AP1B1: variants seen among roughly 807,000 people sequenced by gnomAD.
AP1B1 encodes adaptor related protein complex 1 subunit beta 1.
AP1B1 carries 36 observed loss-of-function variants against 104.3 expected under a neutral mutation model. The observed-to-expected ratio is 0.35, with a 90% CI of 0.26 to 0.46. AP1B1 has a LOEUF of 0.46. Among genes scored for constraint, AP1B1 ranks in the 20% least tolerant of loss-of-function variants. The pLI is 1.00. For missense variants in AP1B1, 901 were observed against 1,247.9 expected (o/e 0.72, Z 4.19); for synonymous variants, 504 against 517.5 (o/e 0.97, Z 0.35).
In AP1B1 at chr22:29,339,153, G is replaced by A; in HGVS notation, c.2020-20C>T. The A allele has an allele frequency of 6.2e-7, 1 of 1,613,958 alleles. No individual in the cohort carries two copies. Reference sequence around the variant, plus strand: ...CCCAATCTGGAAAGGGAGGGAAAGAGTCAGAGGTGGGCGTCAAGAGGCAAA... The same window carrying A: ...CCCAATCTGGAAAGGGAGGGAAAGAATCAGAGGTGGGCGTCAAGAGGCAAA... On this transcript the variant is annotated intron_variant, in intron 15 of 22. Transcript: ENST00000357586.
At position 29,330,419 on chromosome 22, in the gene AP1B1, G is replaced by C. The variant is rs762948224; in HGVS notation, c.2725C>G (p.Leu909Val). The change falls in exon 21 of 23, where the codon CTG (leucine) becomes GTG (valine). Residue 909 changes from leucine (L) to valine (V), a missense_variant. Leu to Val is a conservative substitution (Grantham distance 32, BLOSUM62 1). Around this residue, in one of 3 missense-constraint regions of AP1B1, gnomAD observed 424 missense variants for 494.0 expected, o/e 0.86. Coordinates refer to ENST00000357586, the MANE Select transcript of AP1B1 (RefSeq NM_001127.4). ...SLKLTNGIWV[L>V]AELRIQPGNP... ...CCCGGCTGGATCCGCAGCTCCGCCA[G>C]CACCCAGATGCCGTTGGTCAGCTTC... The C allele has an allele frequency of 5.0e-6, 8 of 1,613,712 alleles. No individual in the cohort carries two copies. In the African/African-American group the frequency reaches 1.1e-4, roughly 22 times the overall value.
rs755765882 is a variant in AP1B1, at chr22:29,330,366, C to T, written c.2766+12G>A. The T allele has an allele frequency of 8.7e-6, 14 of 1,612,578 alleles. No homozygotes were observed. The highest frequency in any genetic ancestry group is 8.3e-5 in the Admixed American group (5 of 59,974). On this transcript the variant is annotated intron_variant, in intron 21 of 22. Coordinates refer to ENST00000357586, the MANE Select transcript of AP1B1 (RefSeq NM_001127.4). Reference sequence around the variant, plus strand: ...GGCTCCAAGGCTGCAGGGCGGGTGCCGGGGCTCTCACCGTGCAGCTGGGGT... The same window carrying T: ...GGCTCCAAGGCTGCAGGGCGGGTGCTGGGGCTCTCACCGTGCAGCTGGGGT...
intron 21 of AP1B1, chr22:29,330,031 C>T (rs2061533293): frequency 2.1e-6 from 3 of 1,409,008 alleles, no homozygotes; most frequent in African/African-American, 1.4e-5. Flanking sequence ...AACCACTGTC[C>T]TCCCAGCTGG....
In AP1B1 at chr22:29,341,048, G is replaced by A. The variant is rs116811175; in HGVS notation, c.1797-191C>T. Among the ~76,000 whole-genome samples the A allele has an allele frequency of 4.6e-3, 695 of 152,326 alleles. 4 individuals are homozygous for A. Among genetic ancestry groups the A allele is most frequent in the African/African-American group, 0.016 (660 of 41,578 alleles). ...AGCAGGTCCATCTTTCAGGTCCTCCGTGAGGATGAGTGAAGGGAGAGGGCC... is the reference window on the plus strand; with the variant it reads ...AGCAGGTCCATCTTTCAGGTCCTCCATGAGGATGAGTGAAGGGAGAGGGCC... On this transcript the variant is annotated intron_variant, in intron 13 of 22. Coordinates refer to ENST00000357586, the MANE Select transcript of AP1B1 (RefSeq NM_001127.4).
chr22:29,366,681 C>T (rs1202075224), intron 2 of AP1B1, among the ~76,000 whole-genome samples: 1 of 152,002 alleles, frequency 6.6e-6, no homozygotes, highest in Non-Finnish European at 1.5e-5. Context: ...CGCATGTAAT[C>T]CCAGCAATTC....
rs768192630 is a variant in AP1B1 at position 29,330,539 on chromosome 22, G to A, written c.2612-7C>T. 6.2e-7 allele frequency: 1 copy of A among 1,610,206 alleles called. No homozygotes were observed. Among genetic ancestry groups the A allele is most frequent in the Non-Finnish European group, 8.5e-7 (1 of 1,176,846 alleles). On this transcript the variant is annotated splice_region_variant and splice_polypyrimidine_tract_variant and intron_variant, in intron 20 of 22. Coordinates refer to ENST00000357586, the MANE Select transcript of AP1B1 (RefSeq NM_001127.4). ...AGCTTGCTGCTCGCAGCCTCTGTGG[G>A]GTCACATGGCCGTGAGAGGCCCCAG... is the stretch of plus-strand genomic sequence containing the variant.
chr22:29,333,540 T>C, intron 17 of AP1B1, among the ~76,000 whole-genome samples: 1 of 152,050 alleles, frequency 6.6e-6, no homozygotes, highest in East Asian at 1.9e-4. Flanking sequence ...AAACACTCCT[T>C]TGGACTGTGG....
chr22:29,378,531 C>T (rs1394429407), intron 1 of AP1B1, among the ~76,000 whole-genome samples: 10 of 112,390 alleles, frequency 8.9e-5, no homozygotes, highest in East Asian at 3.0e-4. Flanking sequence ...CCAGCCTGGG[C>T]GAGAGAAAGA....
At chr22:29,336,385 C>T (rs933172969) in intron 16 of AP1B1, among the ~76,000 whole-genome samples, 4 of 152,230 alleles carry the variant, frequency 2.6e-5, no homozygotes, top group Non-Finnish European at 5.9e-5. Flanking sequence ...AAAAACTCCT[C>T]CTCCAGGCAA....
In AP1B1 at chr22:29,363,647, C is replaced by CA. The variant is rs879795643; in HGVS notation, c.38-542dup. Among the ~76,000 whole-genome samples, 189 of 131,530 alleles carry CA rather than the reference C, an allele frequency of 1.4e-3. 1 individual carries two copies. Among genetic ancestry groups the CA allele is most frequent in the East Asian group, 2.2e-3 (10 of 4,584 alleles). The allele number at this position is 131,530 out of a possible 152,430, so 86.3% of individuals were successfully genotyped here. A position where few individuals can be genotyped will look rare whatever the true frequency, so the allele number is the denominator to read the frequency against. On this transcript the variant is annotated intron_variant, in intron 2 of 22. Coordinates refer to ENST00000357586, the MANE Select transcript of AP1B1 (RefSeq NM_001127.4). ...TGGCGACAGGGCCAAGACTCCATCTCAAAAAAAAAAAAAGAGGCTGAGGAT... is the reference window on the plus strand; with the variant it reads ...TGGCGACAGGGCCAAGACTCCATCTCAAAAAAAAAAAAAAGAGGCTGAGGAT...
chr22:29,339,120 T>G lies in AP1B1; in HGVS notation c.2033A>C (p.Asn678Thr). ...TGCTGCTGTTGGAGGTGCCACGAAG[T>G]TGGTGCCCCCAATCTGGAAAGGGAG... ...GDEPEGIGGT[N>T]FVAPPTAAVP... The change falls in exon 16 of 23, where the codon AAC becomes ACC. Residue 678 changes from asparagine to threonine, a missense_variant. Asn to Thr is a moderately conservative substitution (Grantham distance 65). Around this residue, in one of 3 missense-constraint regions of AP1B1, gnomAD observed 424 missense variants for 494.0 expected, o/e 0.86. Coordinates refer to ENST00000357586, the MANE Select transcript of AP1B1 (RefSeq NM_001127.4). The G allele has an allele frequency of 3.7e-6, 6 of 1,614,020 alleles. No individual in the cohort carries two copies. Among genetic ancestry groups the G allele is most frequent in the Non-Finnish European group, 5.1e-6 (6 of 1,179,994 alleles).
intron 14 of AP1B1, among the ~76,000 whole-genome samples, chr22:29,340,260 G>A (rs1178435741): frequency 6.6e-6 from 1 of 152,164 alleles, no homozygotes; most frequent in Non-Finnish European, 1.5e-5. Flanking sequence ...CCCAGCTGGC[G>A]CTGCATAAGG....
At chr22:29,363,408 G>T (rs1437414992) in intron 2 of AP1B1, among the ~76,000 whole-genome samples, 3 of 152,224 alleles carry the variant, frequency 2.0e-5, no homozygotes, top group Non-Finnish European at 4.4e-5. Context: ...CCAGCACTTT[G>T]GGAGTCCGAG....
chr22:29,385,635 A>G (rs994831081), intron 1 of AP1B1, among the ~76,000 whole-genome samples: 2 of 152,216 alleles, frequency 1.3e-5, no homozygotes, highest in African/African-American at 4.8e-5. Context: ...ATTTTTTCTC[A>G]GGAGTATTTG....
intron 1 of AP1B1, among the ~76,000 whole-genome samples, chr22:29,372,697 A>G (rs1255779822): frequency 6.6e-6 from 1 of 152,184 alleles, no homozygotes; most frequent in Non-Finnish European, 1.5e-5. Context: ...TAAAGGAAAA[A>G]AAGTTCTCAA....
intron 11 of AP1B1, among the ~76,000 whole-genome samples, chr22:29,345,960 A>T (rs1282376044): frequency 6.6e-6 from 1 of 152,242 alleles, no homozygotes; most frequent in Non-Finnish European, 1.5e-5. Context: ...CTAGGATTAC[A>T]GGTGTAAGCC....
intron 4 of AP1B1, among the ~76,000 whole-genome samples, chr22:29,359,294 C>T (rs1255716583): frequency 2.0e-5 from 3 of 152,168 alleles, no homozygotes; most frequent in African/African-American, 7.2e-5. Flanking sequence ...AACCCACATC[C>T]ACCTAGCATC....
chr22:29,344,298 C>T (rs1028732958), intron 11 of AP1B1, among the ~76,000 whole-genome samples: 9 of 152,088 alleles, frequency 5.9e-5, no homozygotes, highest in South Asian at 4.2e-4. Context: ...GTCAGGTATG[C>T]CTCAGGCTGT....
chr22:29,329,224 C>G (rs2061520955), intron 22 of AP1B1: 1 of 1,215,488 alleles, frequency 8.2e-7, no homozygotes, highest in Non-Finnish European at 1.0e-6. Flanking sequence ...CCCAGAGTCC[C>G]TGAAGGTCTG....
Sources: allele counts gnomAD v4.1 joint callset (sites outside exome capture counted in the v4.1 genomes callset), GRCh38; gene constraint gnomAD v4.1.1; regional missense constraint gnomAD v4.1.1; transcripts MANE v1.5; gene names NCBI Gene and HGNC (gene_info 2026-07-23, HGNC 2026-07-21).